The following STRADA variants were observed in gnomAD, a reference collection of about 807,000 sequenced individuals.
STRADA encodes STE20 related adaptor alpha.
In STRADA, 26 loss-of-function variants were observed where a neutral mutation model predicts 55.0. The observed-to-expected ratio is 0.47, with a 90% CI of 0.35 to 0.66. STRADA has a LOEUF of 0.66. Ranked by LOEUF, STRADA falls within the 30% of genes least tolerant of loss-of-function variation. The pLI is 0.01. For missense variants in STRADA, 443 were observed against 549.7 expected (o/e 0.81, Z 1.94); for synonymous variants, 197 against 210.9 (o/e 0.93, Z 0.57).
Position 63,723,310 on chromosome 17 carries a change from G to A in STRADA, c.111C>T (p.Asp37=), listed in dbSNP as rs2037434384. 4 of 1,614,064 alleles carry A rather than the reference G, an allele frequency of 2.5e-6. No homozygotes were observed. The highest frequency in any genetic ancestry group is 1.3e-5 in the African/African-American group (1 of 74,920). Residue 37 remains aspartate, a synonymous_variant, in exon 4 of 13, where the codon GAC becomes GAT. Transcript: ENST00000336174. The part of the protein sequence containing the change: ...LELFGEQPPG[D]TRRKTNDASS... ...GGAAGCCACTTACTTTTCTCCGAGTGTCACCCGGAGGCTGCTCTGGGGTAG... is the reference window on the plus strand; with the variant it reads ...GGAAGCCACTTACTTTTCTCCGAGTATCACCCGGAGGCTGCTCTGGGGTAG...
chr17:63,725,145 T>C (rs2144114713), intron 3 of STRADA, among the ~76,000 whole-genome samples: 1 of 151,920 alleles, frequency 6.6e-6, no homozygotes, highest in South Asian at 2.1e-4. Flanking sequence ...GGCAGGAGAA[T>C]CTCTTGAACC....
At chr17:63,719,217 T>C (rs943975809) in intron 4 of STRADA, 1 of 152,170 alleles carries the variant, frequency 6.6e-6, no homozygotes, top group African/African-American at 2.4e-5. Context: ...AGTCGTTAGA[T>C]TCCTGTGTTA....
intron 1 of STRADA, among the ~76,000 whole-genome samples, chr17:63,734,844 G>A (rs1344998260): frequency 1.3e-5 from 2 of 152,064 alleles, no homozygotes; most frequent in Non-Finnish European, 2.9e-5. Flanking sequence ...GAAGCTATTA[G>A]GAAAGGTTAA....
chr17:63,740,105 T>TACAC (rs1555712188), intron 1 of STRADA, among the ~76,000 whole-genome samples: 2 of 56,666 alleles, frequency 3.5e-5, no homozygotes, highest in Non-Finnish European at 6.3e-5. Flanking sequence ...TATATATATA[T>TACAC]ATACATACAT....
At chr17:63,716,016 C>A (rs1043138111) in intron 4 of STRADA, among the ~76,000 whole-genome samples, 3 of 151,330 alleles carry the variant, frequency 2.0e-5, no homozygotes. Flanking sequence ...AGCATATGAA[C>A]AATCAACTGT....
intron 1 of STRADA, among the ~76,000 whole-genome samples, chr17:63,730,471 C>A (rs113147025): frequency 0.035 from 5,273 of 151,604 alleles, 292 homozygotes; most frequent in African/African-American, 0.12. Context: ...TCTCTGCTCA[C>A]TGCAACCTCT....
intron 3 of STRADA, chr17:63,723,874 G>A (rs1172069382): frequency 6.6e-6 from 1 of 152,258 alleles, no homozygotes; most frequent in Non-Finnish European, 1.5e-5. Flanking sequence ...AAGGCATTTT[G>A]GCGCTCTGCT....
chr17:63,713,889 C>T, intron 5 of STRADA, 117 bp downstream of exon 5: 1 of 833,038 alleles, frequency 1.2e-6, no homozygotes, highest in Non-Finnish European at 2.0e-6. Flanking sequence ...AGTCTGTGCC[C>T]ATGAATCCTC....
chr17:63,710,211 G>A (rs552291722), intron 8 of STRADA, among the ~76,000 whole-genome samples: 2 of 151,996 alleles, frequency 1.3e-5, no homozygotes, highest in East Asian at 3.9e-4. Flanking sequence ...GCTAATTTTT[G>A]TATTTTTAGT....
intron 1 of STRADA, among the ~76,000 whole-genome samples, chr17:63,734,948 AG>A (rs1342294005): frequency 6.6e-6 from 1 of 152,236 alleles, no homozygotes; most frequent in African/African-American, 2.4e-5. Flanking sequence ...ACCTGAGGTC[AG>A]GAGTTCAAGA....
chr17:63,717,924 A>C (rs1054435669), intron 4 of STRADA, among the ~76,000 whole-genome samples: 1 of 151,658 alleles, frequency 6.6e-6, no homozygotes, highest in African/African-American at 2.4e-5. Context: ...AGGATCACTA[A>C]ATTTTTAAAA....
Position 63,704,391 on chromosome 17 carries a change from G to C in STRADA, c.1050C>G (p.Pro350=), listed in dbSNP as rs370096068. 4.6e-5 allele frequency: 74 copies of C among 1,612,654 alleles called. No individual in the cohort carries two copies. The highest frequency in any genetic ancestry group is 4.5e-4 in the African/African-American group (34 of 74,908). ...PSHPYHRTFS[P]HFHHFVEQCL... ...ACTGCTCCACAAAGTGGTGGAAGTG[G>C]GGGGAGAAGGTTCGGTGGTAGGGGT... The change falls in exon 11 of 13, where the codon CCC becomes CCG. Residue 350 remains proline, a synonymous_variant. Coordinates refer to ENST00000336174, the MANE Select transcript of STRADA (RefSeq NM_001003787.4).
chr17:63,723,602 C>G (rs2037454554), intron 3 of STRADA: 1 of 396,248 alleles, frequency 2.5e-6, no homozygotes, highest in African/African-American at 2.0e-5. Flanking sequence ...GAACTCAACT[C>G]TTACATTTCT....
Position 63,740,149 on chromosome 17 carries a change from C to CACATACATATATAT in STRADA, c.-45+1591_-45+1592insATATATATGTATGT, listed in dbSNP as rs1568234412. 1.5e-3 allele frequency among the ~76,000 whole-genome samples: 69 copies of CACATACATATATAT among 46,800 alleles called. 5 individuals are homozygous for CACATACATATATAT. The highest frequency in any genetic ancestry group is 0.017 in the Middle Eastern group (2 of 118). 30.7% of individuals were successfully genotyped at this position (46,800 alleles called of 152,430 possible). A position where few individuals can be genotyped will look rare whatever the true frequency, so the allele number is the denominator to read the frequency against. On this transcript the variant is annotated intron_variant, in intron 1 of 12. Coordinates refer to ENST00000336174, the MANE Select transcript of STRADA (RefSeq NM_001003787.4). Reference sequence around the variant, plus strand: ...ATATACACATACATATATATATATACACACACACACACACACACACACACA... The same window carrying CACATACATATATAT: ...ATATACACATACATATATATATATACACATACATATATATACACACACACACACACACACACACA...
Position 63,723,281 on chromosome 17 carries a change from C to T in STRADA, c.123+17G>A, listed in dbSNP as rs747402870. 5 of 1,614,140 alleles carry T rather than the reference C, an allele frequency of 3.1e-6. No individual in the cohort carries two copies. In the South Asian group the frequency reaches 5.5e-5, roughly 18 times the overall value. ...CCATGCAACAGCCATAGTGCTAGGG[C>T]CTAGGAAGCCACTTACTTTTCTCCG... On this transcript the variant is annotated intron_variant, in intron 4 of 12. Transcript: ENST00000336174.
chr17:63,709,663 T>C (rs1404577465), intron 8 of STRADA, among the ~76,000 whole-genome samples: 3 of 152,248 alleles, frequency 2.0e-5, no homozygotes, highest in Non-Finnish European at 4.4e-5. Flanking sequence ...AAACATTTTC[T>C]CACATTTCCT....
At chr17:63,722,801 C>T (rs1001094946) in intron 4 of STRADA, among the ~76,000 whole-genome samples, 8 of 152,018 alleles carry the variant, frequency 5.3e-5, no homozygotes, top group African/African-American at 1.9e-4. Context: ...GCAGCTTTCA[C>T]CAATGAAAAA....
intron 1 of STRADA, among the ~76,000 whole-genome samples, chr17:63,739,553 A>C (rs2038706953): frequency 6.6e-6 from 1 of 152,090 alleles, no homozygotes; most frequent in South Asian, 2.1e-4. Context: ...ATGTCCTTAA[A>C]ATGTAAATTC....
At chr17:63,740,141 T>TATATACACATAC (rs2038812333) in intron 1 of STRADA, among the ~76,000 whole-genome samples, 1 of 41,576 alleles carries the variant, frequency 2.4e-5, no homozygotes, top group African/African-American at 1.2e-4. Context: ...CATACATATA[T>TATATACACATAC]ATATATACAC....
Sources: allele counts gnomAD v4.1 joint callset (sites outside exome capture counted in the v4.1 genomes callset), GRCh38; gene constraint gnomAD v4.1.1; transcripts MANE v1.5; gene names NCBI Gene and HGNC (gene_info 2026-07-23, HGNC 2026-07-21).